Variants in SLIT2 observed in about 807,000 individuals in gnomAD.
SLIT2 encodes slit homolog 2 protein.
In SLIT2, 41 loss-of-function variants were observed where a neutral mutation model predicts 185.7. That is an observed-to-expected ratio of 0.22 (90% CI 0.17 to 0.29). The LOEUF is 0.29. Ranked by LOEUF, SLIT2 falls within the 10% of genes least tolerant of loss-of-function variation. The pLI is 1.00. For synonymous variants in SLIT2, 693 were observed against 680.2 expected, an observed-to-expected ratio of 1.02 and a Z score of -0.29; for missense variants, 1,571 against 1,909.0, an observed-to-expected ratio of 0.82 and a Z score of 3.30.
At chr4:20,608,610 A>T (rs1458968031) in intron 33 of SLIT2, among the ~76,000 whole-genome samples, 1 of 152,162 alleles carries the variant, frequency 6.6e-6, no homozygotes, top group Non-Finnish European at 1.5e-5. Flanking sequence ...CTAACCACCT[A>T]AACAGAAAGA....
At chr4:20,472,495 T>G (rs796843143) in intron 5 of SLIT2, among the ~76,000 whole-genome samples, 516 of 13,946 alleles carry the variant, frequency 0.037, 123 homozygotes, top group East Asian at 0.22. Flanking sequence ...TATATATAGA[T>G]ATATATCTAT....
intron 15 of SLIT2, among the ~76,000 whole-genome samples, chr4:20,527,692 A>C (rs1306234398): frequency 2.0e-5 from 3 of 152,224 alleles, no homozygotes; most frequent in African/African-American, 7.2e-5. Context: ...TATTTATAAA[A>C]TTTTACAAAG....
At chr4:20,412,327 T>A (rs889145395) in intron 4 of SLIT2, among the ~76,000 whole-genome samples, 7 of 152,204 alleles carry the variant, frequency 4.6e-5, no homozygotes, top group African/African-American at 1.7e-4. Flanking sequence ...TAAAATGCAA[T>A]ATTTGCTATA....
Position 20,532,040 on chromosome 4 carries a change from T to G in SLIT2, c.1670T>G (p.Leu557Arg). Residue 557 changes from leucine (L) to arginine (R), a missense_variant, in exon 17 of 37, where the codon CTT becomes CGT. Physicochemically the swap from Leu to Arg is moderately radical, Grantham distance 102. Transcript: ENST00000504154. The stretch of plus-strand genomic sequence containing the variant: ...GAAGCCACAGGAATCTTTAAGAAAC[T>G]TCCTCAATTACGTAAAATGTAAGTC... The part of the protein sequence containing the change: ...VLEATGIFKK[L>R]PQLRKINFSN... 2 of 1,569,788 alleles carry G rather than the reference T, an allele frequency of 1.3e-6. No individual in the cohort carries two copies. The highest frequency in any genetic ancestry group is 1.7e-6 in the Non-Finnish European group (2 of 1,162,168).
intron 34 of SLIT2, among the ~76,000 whole-genome samples, chr4:20,610,932 A>G (rs1308399223): frequency 1.3e-5 from 2 of 152,188 alleles, no homozygotes; most frequent in Non-Finnish European, 2.9e-5. Context: ...GTAGGAGCCC[A>G]TCGGAGAGGA....
At chr4:20,542,912 C>T (rs1722939869) in intron 21 of SLIT2, among the ~76,000 whole-genome samples, 1 of 150,514 alleles carries the variant, frequency 6.6e-6, no homozygotes, top group Non-Finnish European at 1.5e-5. Flanking sequence ...TACTATGACT[C>T]TTCAAGAAAC....
At chr4:20,483,264 G>A (rs751696877) in intron 6 of SLIT2, among the ~76,000 whole-genome samples, 1 of 151,910 alleles carries the variant, frequency 6.6e-6, no homozygotes, top group African/African-American at 2.4e-5. Flanking sequence ...TATCAAATTA[G>A]GATATATATG....
intron 4 of SLIT2, among the ~76,000 whole-genome samples, chr4:20,302,467 T>TG (rs558717234): frequency 1.5e-3 from 222 of 152,032 alleles, no homozygotes; most frequent in Non-Finnish European, 1.6e-3. Context: ...ATAATGTCTA[T>TG]GGGGGGGATG....
chr4:20,305,909 A>C (rs1480426366), intron 4 of SLIT2, among the ~76,000 whole-genome samples: 1 of 131,164 alleles, frequency 7.6e-6, no homozygotes, highest in Non-Finnish European at 1.7e-5. Context: ...TAATAATAAT[A>C]ATAATAATAA....
rs199828775 is a variant in SLIT2 at position 20,618,819 on chromosome 4, G to A, written c.4400G>A (p.Gly1467Asp). 6.2e-7 allele frequency: 1 copy of A among 1,613,942 alleles called. No homozygotes were observed. The highest frequency in any genetic ancestry group is 1.1e-5 in the South Asian group (1 of 91,074). ...RIRDYYQKQQ[G>D]YAACQTTKKV... ...AGAGATTATTACCAAAAGCAGCAGG[G>A]CTATGCTGCTTGCCAAACAACCAAG... Residue 1467 changes from glycine (G) to aspartate (D), a missense_variant, in exon 37 of 37, where the codon GGC becomes GAC. Around this residue, in one of 3 missense-constraint regions of SLIT2, gnomAD observed 223 missense variants for 245.2 expected, o/e 0.91. Transcript: ENST00000504154.
intron 26 of SLIT2, among the ~76,000 whole-genome samples, chr4:20,562,901 G>A (rs990734385): frequency 6.6e-6 from 1 of 151,782 alleles, no homozygotes. Context: ...GTTTCCAAGG[G>A]ATGCCAGAAT....
chr4:20,260,564 CAT>C (rs1323943091), intron 3 of SLIT2, among the ~76,000 whole-genome samples: 7 of 151,474 alleles, frequency 4.6e-5, no homozygotes, highest in African/African-American at 1.7e-4. Context: ...GTGAATATTT[CAT>C]AGTTATACAT....
At chr4:20,262,519 C>A (rs1451499625) in intron 3 of SLIT2, among the ~76,000 whole-genome samples, 1 of 151,830 alleles carries the variant, frequency 6.6e-6, no homozygotes, top group African/African-American at 2.4e-5. Context: ...AACAGAATGA[C>A]AGTCTAACGG....
intron 4 of SLIT2, among the ~76,000 whole-genome samples, chr4:20,311,433 A>C (rs970732335): frequency 6.6e-6 from 1 of 152,226 alleles, no homozygotes; most frequent in African/African-American, 2.4e-5. Flanking sequence ...GTTATAAATG[A>C]AAAATCACAT....
chr4:20,368,234 AGAAAAAAAAG>A (rs1723284613), intron 4 of SLIT2, among the ~76,000 whole-genome samples: 1 of 148,240 alleles, frequency 6.7e-6, no homozygotes, highest in Admixed American at 6.7e-5. Context: ...AAAAAAAAAA[AGAAAAAAAAG>A]AAAGAAAAAA....
At chr4:20,320,539 C>T (rs1215996647) in intron 4 of SLIT2, among the ~76,000 whole-genome samples, 1 of 152,032 alleles carries the variant, frequency 6.6e-6, no homozygotes, top group Non-Finnish European at 1.5e-5. Flanking sequence ...AGATTGTGTT[C>T]CAGAAATGCA....
chr4:20,257,031 T>A (rs1711920989), intron 2 of SLIT2, among the ~76,000 whole-genome samples: 1 of 152,112 alleles, frequency 6.6e-6, no homozygotes, highest in Non-Finnish European at 1.5e-5. Flanking sequence ...GAATAATTGT[T>A]TTCACAAAAT....
chr4:20,513,605 A>G (rs551001924), intron 11 of SLIT2, among the ~76,000 whole-genome samples: 17 of 152,318 alleles, frequency 1.1e-4, no homozygotes, highest in African/African-American at 3.9e-4. Context: ...TGCCTCATGG[A>G]GGAGACCAGT....
At chr4:20,541,887 CT>C (rs1427654576) in intron 20 of SLIT2, among the ~76,000 whole-genome samples, 3 of 152,142 alleles carry the variant, frequency 2.0e-5, no homozygotes, top group Non-Finnish European at 4.4e-5. Context: ...TTCATTTTAA[CT>C]TTTCTTTATT....
Sources: allele counts gnomAD v4.1 joint callset (sites outside exome capture counted in the v4.1 genomes callset), GRCh38; gene constraint gnomAD v4.1.1; regional missense constraint gnomAD v4.1.1; transcripts MANE v1.5; gene names NCBI Gene and HGNC (gene_info 2026-07-23, HGNC 2026-07-21).